Variants in TSNARE1 observed in about 807,000 individuals in gnomAD.
The protein encoded by TSNARE1 is t-SNARE domain-containing protein 1.
A neutral mutation model predicts 62.0 loss-of-function variants in TSNARE1; 49 were observed. That is an observed-to-expected ratio of 0.79 (90% CI 0.63 to 1.00). The LOEUF is 1.00. Ranked by LOEUF, TSNARE1 falls within the 50% of genes least tolerant of loss-of-function variation. TSNARE1 has a pLI of 0.00. For missense variants in TSNARE1, 755 were observed against 700.1 expected (o/e 1.08, Z -0.88); for synonymous variants, 328 against 294.4 (o/e 1.11, Z -1.17).
chr8:142,300,586 T>C lies in TSNARE1; in HGVS notation c.1190A>G (p.Asp397Gly). 1 of 1,613,668 alleles carries C rather than the reference T, an allele frequency of 6.2e-7. No individual in the cohort carries two copies. The highest frequency in any genetic ancestry group is 8.5e-7 in the Non-Finnish European group (1 of 1,180,016). ...ADDEKVFNGS[D>G]NMWQGQEQAL... ...CTGCTCCTGGCCCTGCCACATGTTG[T>C]CACTCCCGTTAAAGACCTTCTCATC... The change falls in exon 10 of 14, where the codon GAC becomes GGC. Residue 397 changes from aspartate to glycine, a missense_variant. By Grantham distance (94) the Asp-to-Gly change is moderately conservative (BLOSUM62 -1). Coordinates refer to ENST00000524325, the MANE Select transcript of TSNARE1 (RefSeq NM_145003.5).
rs559002491 is a variant in TSNARE1 at position 142,291,939 on chromosome 8, G to A, written c.1291-7454C>T. ...GAGTACGGGGTCAGCTGCCTCTCCC[G>A]TGGACGGTCACAGCAACGCACGCCC... On this transcript the variant is annotated intron_variant, in intron 10 of 13. Coordinates refer to ENST00000524325, the MANE Select transcript of TSNARE1 (RefSeq NM_145003.5). The surrounding 1 kb of genome is among the most constrained non-coding windows in gnomAD (Gnocchi z 4.8). 1.4e-4 allele frequency among the ~76,000 whole-genome samples: 22 copies of A among 152,088 alleles called. No homozygotes were observed. The highest frequency in any genetic ancestry group is 5.2e-4 in the Admixed American group (8 of 15,276).
In TSNARE1 at chr8:142,229,502, G is replaced by A. The variant is rs2130070765; in HGVS notation, c.1524C>T (p.Ala508=). The part of the protein sequence containing the change: ...TALLVIIIII[A]TSVRK ...GGTAGCATCACTTTCGGACAGAGGT[G>A]GCGATGATGATGATGATGACAAGCA... Residue 508 remains alanine (A), a synonymous_variant, in exon 13 of 14, where the codon GCC becomes GCT. Coordinates refer to ENST00000524325, the MANE Select transcript of TSNARE1 (RefSeq NM_145003.5). The A allele has an allele frequency of 1.9e-6, 3 of 1,614,116 alleles. 1 individual carries two copies. The highest frequency in any genetic ancestry group is 2.2e-5 in the South Asian group (2 of 91,084).
chr8:142,350,309 G>A (rs951196590), intron 2 of TSNARE1, among the ~76,000 whole-genome samples: 12 of 152,222 alleles, frequency 7.9e-5, no homozygotes, highest in Non-Finnish European at 1.2e-4. Flanking sequence ...AACTGACAGC[G>A]AAAGGCTATT....
chr8:142,275,936 C>A (rs912786271), intron 11 of TSNARE1: 1 of 985,412 alleles, frequency 1.0e-6, no homozygotes, highest in African/African-American at 1.7e-5. Context: ...CTACTCTCAT[C>A]AGGGAACTGT....
chr8:142,353,714 G>C (rs1244154323), intron 2 of TSNARE1, among the ~76,000 whole-genome samples: 1 of 152,056 alleles, frequency 6.6e-6, no homozygotes, highest in Non-Finnish European at 1.5e-5. Context: ...GCCCCCTGGG[G>C]ACCAGAGCCC....
At chr8:142,212,688 G>C (rs1244073438) in intron 13 of TSNARE1, among the ~76,000 whole-genome samples, 1 of 151,902 alleles carries the variant, frequency 6.6e-6, no homozygotes, top group East Asian at 1.9e-4. Context: ...GCCCTGCCTG[G>C]CGCACCCACC....
At chr8:142,397,956 G>T (rs986003693) in intron 1 of TSNARE1, among the ~76,000 whole-genome samples, 1 of 151,934 alleles carries the variant, frequency 6.6e-6, no homozygotes, top group African/African-American at 2.4e-5. Context: ...CCTCAGCCTG[G>T]GCCCCGGGTT....
chr8:142,253,991 C>T (rs1490969105), intron 12 of TSNARE1, among the ~76,000 whole-genome samples: 1 of 152,246 alleles, frequency 6.6e-6, no homozygotes, highest in Non-Finnish European at 1.5e-5. Flanking sequence ...AGAGAAGACG[C>T]CAAGCCTTTT....
chr8:142,250,223 T>G (rs988629642), intron 12 of TSNARE1, among the ~76,000 whole-genome samples: 8 of 152,182 alleles, frequency 5.3e-5, no homozygotes, highest in Admixed American at 4.6e-4. Context: ...TTTACAGCCA[T>G]TCTCCTGCCA....
At chr8:142,392,420 G>A (rs1022427245) in intron 1 of TSNARE1, among the ~76,000 whole-genome samples, 4 of 152,142 alleles carry the variant, frequency 2.6e-5, no homozygotes, top group East Asian at 1.9e-4. Context: ...CAAGTCTTAC[G>A]TAGCGTATGT....
chr8:142,238,457 G>A (rs564106667), intron 12 of TSNARE1, among the ~76,000 whole-genome samples: 1 of 152,232 alleles, frequency 6.6e-6, no homozygotes, highest in Non-Finnish European at 1.5e-5. Flanking sequence ...TCAGCAGGGA[G>A]ACACATTCGA....
At chr8:142,230,370 G>A (rs1043127295) in intron 12 of TSNARE1, among the ~76,000 whole-genome samples, 5 of 152,230 alleles carry the variant, frequency 3.3e-5, no homozygotes, top group African/African-American at 9.6e-5. Context: ...AGATTGGGAT[G>A]AGACAGTCCT....
intron 9 of TSNARE1, among the ~76,000 whole-genome samples, chr8:142,303,094 G>T (rs1247853128): frequency 6.6e-6 from 1 of 152,182 alleles, no homozygotes; most frequent in Non-Finnish European, 1.5e-5. Flanking sequence ...TGCTCTGCCG[G>T]CTCCCCCAGC....
chr8:142,269,008 A>G lies in TSNARE1; in HGVS notation c.1446+5773T>C, dbSNP rs117752896. Among the ~76,000 whole-genome samples, 6 of 152,376 alleles carry G rather than the reference A, an allele frequency of 3.9e-5. No individual in the cohort carries two copies. The East Asian group carries it at 1.2e-3, about 29-fold the overall frequency. ...ATACACAAAATAACTTTCATCAAAT[A>G]TGTACTGACTTGCTTAGTATACGTT... On this transcript the variant is annotated intron_variant, in intron 12 of 13. Coordinates refer to ENST00000524325, the MANE Select transcript of TSNARE1 (RefSeq NM_145003.5).
Position 142,280,970 on chromosome 8 carries a change from AG to A in TSNARE1, c.1363+3442del, listed in dbSNP as rs1330306382. 1.7e-4 allele frequency among the ~76,000 whole-genome samples: 26 copies of A among 152,306 alleles called. No individual in the cohort carries two copies. In the East Asian group the frequency reaches 3.9e-3, roughly 23 times the overall value. ...GGCCGGCCTGGCCCAGCCCCGCCCC[AG>A]GGAGCAGCAGGGTGCTTGAGCCGCA... On this transcript the variant is annotated intron_variant, in intron 11 of 13. Coordinates refer to ENST00000524325, the MANE Select transcript of TSNARE1 (RefSeq NM_145003.5).
intron 13 of TSNARE1, among the ~76,000 whole-genome samples, chr8:142,228,112 T>A (rs530684588): frequency 6.6e-6 from 1 of 152,322 alleles, no homozygotes; most frequent in South Asian, 2.1e-4. Context: ...TCAGCCGCAG[T>A]TGAGTCTTCA....
rs141108465 is a variant in TSNARE1, at chr8:142,359,084, CT to C, written c.-39-4322del. Among the ~76,000 whole-genome samples the C allele has an allele frequency of 4.0e-3, 612 of 152,212 alleles. 4 individuals carry two copies. The highest frequency in any genetic ancestry group is 0.014 in the African/African-American group (579 of 41,516). On this transcript the variant is annotated intron_variant, in intron 1 of 13. Coordinates refer to ENST00000524325, the MANE Select transcript of TSNARE1 (RefSeq NM_145003.5). ...CCCAGGCTGCCTCCCACCTCTGTGC[CT>C]TCACCCAGGCTGTTACTCGGCTTCC...
chr8:142,259,397 A>C (rs1818745276), intron 12 of TSNARE1, among the ~76,000 whole-genome samples: 1 of 152,208 alleles, frequency 6.6e-6, no homozygotes, highest in Non-Finnish European at 1.5e-5. Context: ...CCCAGGCCTG[A>C]GAGGGCCGAG....
At chr8:142,385,534 T>G (rs751899441) in intron 1 of TSNARE1, among the ~76,000 whole-genome samples, 1 of 152,116 alleles carries the variant, frequency 6.6e-6, no homozygotes, top group African/African-American at 2.4e-5. Context: ...ATGACTCAAC[T>G]GATGACACCT....
Sources: gnomAD v4.1 joint callset for allele counts (sites outside exome capture counted in the v4.1 genomes callset) on GRCh38, gnomAD v4.1.1 for gene constraint, Gnocchi (gnomAD v3.1) non-coding constraint, MANE v1.5 for transcripts, NCBI Gene and HGNC (gene_info 2026-07-23, HGNC 2026-07-21) for gene names.